The following SEMA5A variants were observed in gnomAD, a reference collection of about 807,000 sequenced individuals.
The protein encoded by SEMA5A is semaphorin 5A.
A neutral mutation model predicts 135.5 loss-of-function variants in SEMA5A; 55 were observed. The observed-to-expected ratio is 0.41, with a 90% CI of 0.33 to 0.51. The LOEUF (loss-of-function observed/expected upper bound fraction) is 0.51, where lower values mean the gene tolerates loss of function less well. Ranked by LOEUF, SEMA5A falls within the 20% of genes least tolerant of loss-of-function variation. The pLI is 0.37. For missense variants in SEMA5A, 1,290 were observed against 1,419.9 expected (o/e 0.91, Z 1.47); for synonymous variants, 580 against 546.5 (o/e 1.06, Z -0.85).
chr5:9,107,534 G>A (rs187939165), intron 16 of SEMA5A, among the ~76,000 whole-genome samples: 31 of 152,164 alleles, frequency 2.0e-4, no homozygotes, highest in Admixed American at 1.5e-3. Flanking sequence ...GTCCCAAACC[G>A]AATAGAGTAG....
At chr5:9,313,847 A>G (rs1752273205) in intron 5 of SEMA5A, among the ~76,000 whole-genome samples, 1 of 152,188 alleles carries the variant, frequency 6.6e-6, no homozygotes, top group Non-Finnish European at 1.5e-5. Context: ...AAGTTGGAAA[A>G]TAGCCTACAG....
At chr5:9,353,186 G>GA (rs1431190726) in intron 3 of SEMA5A, among the ~76,000 whole-genome samples, 1,022 of 99,062 alleles carry the variant, frequency 0.01, 140 homozygotes, top group African/African-American at 0.033. Context: ...GAAAGGAAGG[G>GA]AAGGGAAAGG....
At position 9,224,830 on chromosome 5, in the gene SEMA5A, T is replaced by A. The variant is rs1414938992; in HGVS notation, c.490A>T (p.Ser164Cys). The A allele has an allele frequency of 2.5e-6, 4 of 1,614,004 alleles. No homozygotes were observed. The highest frequency in any genetic ancestry group is 3.4e-6 in the Non-Finnish European group (4 of 1,179,936). The change falls in exon 8 of 23, where the codon AGT becomes TGT. Residue 164 changes from serine (S) to cysteine (C), a missense_variant. Physicochemically the swap from Ser to Cys is moderately radical, Grantham distance 112. Around this residue, in one of 3 missense-constraint regions of SEMA5A, gnomAD observed 145 missense variants for 212.0 expected, o/e 0.68. Coordinates refer to ENST00000382496, the MANE Select transcript of SEMA5A (RefSeq NM_003966.3). ...QISGMARCPY[S>C]PQHNSTALLT... ...AGCGCTGTGGAATTGTGCTGGGGAC[T>A]GTAGGGACAGCGGGCCATGCCACTG...
chr5:9,397,893 A>G (rs889212726), intron 2 of SEMA5A, among the ~76,000 whole-genome samples: 1 of 152,234 alleles, frequency 6.6e-6, no homozygotes, highest in African/African-American at 2.4e-5. Context: ...AATGACTAGA[A>G]TTCTCATACC....
chr5:9,289,008 A>G (rs1750937769), intron 5 of SEMA5A, among the ~76,000 whole-genome samples: 1 of 152,212 alleles, frequency 6.6e-6, no homozygotes, highest in Non-Finnish European at 1.5e-5. Flanking sequence ...ATTGCCATTG[A>G]TGGTTTAAGC....
At chr5:9,043,039 A>AC (rs1736048997) in intron 22 of SEMA5A, 23 bp from the exon 23 acceptor site, 1 of 1,589,840 alleles carries the variant, frequency 6.3e-7, no homozygotes, top group Non-Finnish European at 8.6e-7. Context: ...TTAAAAAAAA[A>AC]CAGGTTTAAG....
At chr5:9,119,326 C>A (rs1740690145) in intron 14 of SEMA5A, among the ~76,000 whole-genome samples, 185 bp from the exon 15 acceptor site, 1 of 152,122 alleles carries the variant, frequency 6.6e-6, no homozygotes, top group Non-Finnish European at 1.5e-5. Flanking sequence ...GTGTCTGCAG[C>A]CCCCAGGCAT....
intron 11 of SEMA5A, among the ~76,000 whole-genome samples, chr5:9,184,329 GT>G (rs1560997804): frequency 1.3e-5 from 2 of 151,250 alleles, no homozygotes; most frequent in African/African-American, 4.9e-5. Context: ...CCTGGCTAGT[GT>G]TCCTTTATTC....
chr5:9,269,293 G>T (rs1032410320), intron 5 of SEMA5A, among the ~76,000 whole-genome samples: 4 of 152,122 alleles, frequency 2.6e-5, no homozygotes, highest in African/African-American at 7.2e-5. Context: ...GATAATACAG[G>T]ATCTCCTGTA....
rs570867092 is a variant in SEMA5A at position 9,476,274 on chromosome 5, G to C, written c.-174-38422C>G. The stretch of plus-strand genomic sequence containing the variant: ...TAAATCCCCAGAAGTGGAAGCATCA[G>C]ATCAATTAATGTTGATAGAAATTTC... On this transcript the variant is annotated intron_variant, in intron 1 of 22. Transcript: ENST00000382496. Among the ~76,000 whole-genome samples, 6 of 152,136 alleles carry C rather than the reference G, an allele frequency of 3.9e-5. No homozygotes were observed. The East Asian group carries it at 1.2e-3, about 29-fold the overall frequency.
intron 16 of SEMA5A, among the ~76,000 whole-genome samples, chr5:9,087,278 G>A (rs1194142068): frequency 3.3e-5 from 5 of 152,298 alleles, no homozygotes; most frequent in African/African-American, 1.2e-4. Flanking sequence ...TAAATCAAAT[G>A]TATAAGTTGA....
chr5:9,538,996 T>C (rs1173079480), intron 1 of SEMA5A, among the ~76,000 whole-genome samples: 1 of 152,244 alleles, frequency 6.6e-6, no homozygotes, highest in Non-Finnish European at 1.5e-5. Flanking sequence ...GTACTCTTTG[T>C]AAGTGTACAA....
At chr5:9,374,659 C>CAG (rs947026912) in intron 3 of SEMA5A, among the ~76,000 whole-genome samples, 1 of 144,114 alleles carries the variant, frequency 6.9e-6, no homozygotes, top group Non-Finnish European at 1.5e-5. Context: ...GTGTGTGTGA[C>CAG]AGAGAGAGAG....
intron 5 of SEMA5A, chr5:9,265,310 C>G: frequency 2.5e-6 from 1 of 396,742 alleles, no homozygotes; most frequent in Admixed American, 2.7e-5. Flanking sequence ...AAATAACCTC[C>G]TTATTAGAAG....
chr5:9,165,595 T>C (rs1329676276), intron 11 of SEMA5A, among the ~76,000 whole-genome samples: 1 of 152,244 alleles, frequency 6.6e-6, no homozygotes, highest in East Asian at 1.9e-4. Context: ...AATTAGTTTA[T>C]TTCCAGTTGT....
intron 15 of SEMA5A, among the ~76,000 whole-genome samples, chr5:9,111,329 AC>A (rs139044972): frequency 0.026 from 3,962 of 152,300 alleles, 89 homozygotes; most frequent in Non-Finnish European, 0.036. Flanking sequence ...GGGAAACCTT[AC>A]CAAAAATGTT....
At chr5:9,220,645 C>A (rs1210420110) in intron 8 of SEMA5A, among the ~76,000 whole-genome samples, 2 of 152,290 alleles carry the variant, frequency 1.3e-5, no homozygotes, top group African/African-American at 4.8e-5. Context: ...ACAGAATTCC[C>A]AGGGATAAGC....
chr5:9,077,687 C>T (rs1374917284), intron 16 of SEMA5A, among the ~76,000 whole-genome samples: 1 of 152,178 alleles, frequency 6.6e-6, no homozygotes, highest in African/African-American at 2.4e-5. Flanking sequence ...GGGATGGATG[C>T]GACTTCAGGT....
Position 9,054,139 on chromosome 5 carries a change from G to T in SEMA5A, c.2637C>A (p.Ile879=). 6.2e-7 allele frequency: 1 copy of T among 1,613,922 alleles called. No homozygotes were observed. Among genetic ancestry groups the T allele is most frequent in the African/African-American group, 1.3e-5 (1 of 75,024 alleles). Residue 879 remains isoleucine, a synonymous_variant, in exon 19 of 23, where the codon ATC becomes ATA. Coordinates refer to ENST00000382496, the MANE Select transcript of SEMA5A (RefSeq NM_003966.3). ...SNPAPAYGGD[I]CLGLHTEEAL... is the part of the protein sequence containing the mutation. The stretch of plus-strand genomic sequence containing the variant: ...CCTCTTCTGTGTGCAGCCCCAGGCA[G>T]ATGTCCCCTCCATAGGCCGGGGCTG...
Sources: gnomAD v4.1 joint callset for allele counts (sites outside exome capture counted in the v4.1 genomes callset) on GRCh38, gnomAD v4.1.1 for gene constraint, gnomAD v4.1.1 regional missense constraint, MANE v1.5 for transcripts, NCBI Gene and HGNC (gene_info 2026-07-23, HGNC 2026-07-21) for gene names.